Variants in NBDY observed in about 807,000 individuals in gnomAD.
The protein encoded by NBDY is P-body dissociating protein.
At chrX:56,816,357 T>A (rs1485098984) in intron 2 of NBDY, among the ~76,000 whole-genome samples, 1 of 111,748 alleles carries the variant, frequency 8.9e-6, no homozygotes, top group Non-Finnish European at 1.9e-5. Context: ...AAATTGTACG[T>A]TTCTAAAGTA....
intron 2 of NBDY, among the ~76,000 whole-genome samples, chrX:56,813,254 C>T (rs1226723720): frequency 9.0e-6 from 1 of 111,254 alleles, no homozygotes; most frequent in Non-Finnish European, 1.9e-5. Flanking sequence ...TTTCCCAGTA[C>T]CTCTTGGCTC....
chrX:56,732,406 T>C (rs2069464131), intron 2 of NBDY, among the ~76,000 whole-genome samples: 1 of 112,153 alleles, frequency 8.9e-6, no homozygotes, highest in African/African-American at 3.2e-5. Flanking sequence ...TTATAGTTTC[T>C]ATTATTACTG....
In NBDY at chrX:56,790,037, C is replaced by T. The variant is rs997479026; in HGVS notation, c.*167-27283C>T. Among the ~76,000 whole-genome samples, 4 of 111,178 alleles carry T rather than the reference C, an allele frequency of 3.6e-5. No homozygotes were observed. The Admixed American group carries it at 3.8e-4, about 11-fold the overall frequency. ...CCTCAAGCTAAACTCTGGTGCTTGC[C>T]GGATATTCATCCAGAAAAATGAATG... On this transcript the variant is annotated intron_variant, in intron 2 of 2. Coordinates refer to ENST00000374922, the MANE Select transcript of NBDY (RefSeq NM_001348129.2).
At chrX:56,752,273 A>G (rs1282368096) in intron 2 of NBDY, among the ~76,000 whole-genome samples, 1 of 112,070 alleles carries the variant, frequency 8.9e-6, no homozygotes, top group Admixed American at 9.5e-5. Flanking sequence ...TTTCTTTGAG[A>G]AATCTAAACT....
chrX:56,787,321 CACAA>C (rs1385195355), intron 2 of NBDY, among the ~76,000 whole-genome samples: 2 of 110,931 alleles, frequency 1.8e-5, no homozygotes, highest in African/African-American at 3.3e-5. Context: ...CACACACACA[CACAA>C]ACACACAGAA....
chrX:56,745,083 A>G (rs2069550025), intron 2 of NBDY, among the ~76,000 whole-genome samples: 1 of 111,376 alleles, frequency 9.0e-6, no homozygotes, highest in Middle Eastern at 4.2e-3. Flanking sequence ...TAAAATAAGG[A>G]TTACGTGAAC....
chrX:56,791,787 T>G (rs966032542), intron 2 of NBDY, among the ~76,000 whole-genome samples: 1 of 110,591 alleles, frequency 9.0e-6, no homozygotes, highest in Non-Finnish European at 1.9e-5. Flanking sequence ...TTTTTTTCTT[T>G]AATTTTCCTT....
chrX:56,736,070 A>G (rs1052107019), intron 2 of NBDY, among the ~76,000 whole-genome samples: 15 of 111,211 alleles, frequency 1.3e-4, no homozygotes, highest in African/African-American at 4.6e-4. Flanking sequence ...TAAATGTAAC[A>G]CAAATTTGTT....
chrX:56,760,687 AAAAC>A (rs368887870), intron 2 of NBDY, among the ~76,000 whole-genome samples: 12 of 112,128 alleles, frequency 1.1e-4, no homozygotes, highest in South Asian at 7.5e-4. Flanking sequence ...TCTGTCTCAA[AAAAC>A]AAACAAACAA....
intron 2 of NBDY, among the ~76,000 whole-genome samples, chrX:56,803,815 A>C (rs1318436318): frequency 8.9e-6 from 1 of 112,171 alleles, no homozygotes; most frequent in Non-Finnish European, 1.9e-5. Context: ...AAAACAAAAC[A>C]AAACAAAAAG....
chrX:56,756,806 A>C (rs1426714217), intron 2 of NBDY, among the ~76,000 whole-genome samples: 2 of 110,892 alleles, frequency 1.8e-5, no homozygotes, highest in African/African-American at 3.3e-5. Flanking sequence ...CTCTACAAAA[A>C]ATTAGCGGAC....
At chrX:56,783,267 C>G (rs757449353) in intron 2 of NBDY, among the ~76,000 whole-genome samples, 2 of 113,065 alleles carry the variant, frequency 1.8e-5, no homozygotes, top group East Asian at 5.6e-4. Flanking sequence ...ATGGCTTCCC[C>G]TGGCAGTCTC....
intron 2 of NBDY, among the ~76,000 whole-genome samples, chrX:56,739,250 ATATATATATATATGTATG>A (rs1411343681): frequency 1.2e-5 from 1 of 80,612 alleles, no homozygotes; most frequent in Non-Finnish European, 2.3e-5. Context: ...ATATATATAT[ATATATATATATATGTATG>A]TATATATATA....
rs2146746593 is a variant in NBDY, at chrX:56,818,161, A to C, written c.*1008A>C. The stretch of plus-strand genomic sequence containing the variant: ...CTTCTACCTTTGAATTGTAATAATA[A>C]AAGATAAACAGACTTGAAAGCATAT... On this transcript the variant is annotated 3_prime_UTR_variant, in exon 3 of 3. Transcript: ENST00000374922. 8.9e-6 allele frequency: 1 copy of C among 111,978 alleles called. No individual in the cohort carries two copies. Among genetic ancestry groups the C allele is most frequent in the East Asian group, 2.8e-4 (1 of 3,618 alleles). 9.2% of individuals were successfully genotyped at this position (111,978 alleles called of 1,213,427 possible).
chrX:56,737,706 G>C lies in NBDY; in HGVS notation c.*166+5507G>C, dbSNP rs1602648748. The C allele has an allele frequency of 1.3e-5, 3 of 222,578 alleles. No homozygotes were observed. In the East Asian group the frequency reaches 2.6e-4, roughly 19 times the overall value. The allele number at this position is 222,578 out of a possible 1,213,427, so 18.3% of individuals were successfully genotyped here. On this transcript the variant is annotated intron_variant, in intron 2 of 2. Transcript: ENST00000374922. Reference sequence around the variant, plus strand: ...TCATTAAATACATAGAAAAAGTGTGGTTATTGATATTTATTGATGTAGTTA... The same window carrying C: ...TCATTAAATACATAGAAAAAGTGTGCTTATTGATATTTATTGATGTAGTTA...
rs751245332 is a variant in NBDY at position 56,815,334 on chromosome X, TGAG to T, written c.*167-1982_*167-1980del. On this transcript the variant is annotated intron_variant, in intron 2 of 2. Coordinates refer to ENST00000374922, the MANE Select transcript of NBDY (RefSeq NM_001348129.2). ...TAAAATTTATTTTTCTACATCAAAA[TGAG>T]GAGATCATCATGACTAAGAAATTTT... is the stretch of plus-strand genomic sequence containing the variant. Among the ~76,000 whole-genome samples the T allele has an allele frequency of 1.5e-4, 17 of 112,082 alleles. No homozygotes were observed. In the East Asian group the frequency reaches 3.6e-3, roughly 24 times the overall value.
At chrX:56,783,334 C>T (rs1193845178) in intron 2 of NBDY, among the ~76,000 whole-genome samples, 3 of 113,326 alleles carry the variant, frequency 2.6e-5, no homozygotes, top group Admixed American at 1.8e-4. Context: ...TCCTTTGTTT[C>T]CTGGGTGGAT....
intron 2 of NBDY, among the ~76,000 whole-genome samples, chrX:56,797,667 A>G (rs776896728): frequency 5.4e-5 from 6 of 111,081 alleles, no homozygotes; most frequent in Non-Finnish European, 9.4e-5. Flanking sequence ...GCAATTTGTT[A>G]CATTGTTCCC....
chrX:56,743,129 G>A (rs1413298053), intron 2 of NBDY, among the ~76,000 whole-genome samples: 3 of 111,249 alleles, frequency 2.7e-5, no homozygotes, highest in Admixed American at 1.9e-4. Context: ...CACCACTGTT[G>A]AACCATCCTT....
Sources: gnomAD v4.1 joint callset for allele counts (sites outside exome capture counted in the v4.1 genomes callset) on GRCh38, gnomAD v4.1.1 for gene constraint, MANE v1.5 for transcripts, NCBI Gene and HGNC (gene_info 2026-07-23, HGNC 2026-07-21) for gene names.